SPATC1: variants seen among roughly 807,000 people sequenced by gnomAD.
SPATC1 encodes speriolin.
SPATC1 carries 35 observed loss-of-function variants against 36.5 expected under a neutral mutation model. The observed-to-expected ratio is 0.96, with a 90% CI of 0.73 to 1.27. SPATC1 has a LOEUF of 1.27. SPATC1 is among the 50% of genes most tolerant of loss of function. The pLI, the probability that SPATC1 is intolerant of heterozygous loss-of-function variation, is 0.00. For missense variants in SPATC1, 779 were observed against 796.0 expected (o/e 0.98, Z 0.26); for synonymous variants, 361 against 353.6 (o/e 1.02, Z -0.24).
intron 1 of SPATC1, among the ~76,000 whole-genome samples, chr8:144,027,394 T>C (rs1371620063): frequency 2.6e-5 from 4 of 152,182 alleles, no homozygotes; most frequent in African/African-American, 9.7e-5. Flanking sequence ...ATTGTTTGGG[T>C]TGTCTTTTCA....
chr8:144,013,113 C>T (rs572702517), intron 1 of SPATC1, among the ~76,000 whole-genome samples: 2 of 152,254 alleles, frequency 1.3e-5, no homozygotes, highest in South Asian at 2.1e-4. Context: ...AGCTTGGCAA[C>T]GAACCCTGAC....
Position 144,046,996 on chromosome 8 carries a change from C to A in SPATC1, c.*40C>A. 1 of 1,565,948 alleles carries A rather than the reference C, an allele frequency of 6.4e-7. No individual in the cohort carries two copies. The highest frequency in any genetic ancestry group is 8.6e-7 in the Non-Finnish European group (1 of 1,161,514). ...GGTCCAGGCTCGCTCAGCCCCACAG[C>A]CCTGTGCACGGCCATTAAAGCTTCC... On this transcript the variant is annotated 3_prime_UTR_variant, in exon 5 of 5. Transcript: ENST00000377470. This position sits in a 1 kb window ranked among gnomAD's most constrained non-coding sequence, Gnocchi z 6.6.
intron 1 of SPATC1, among the ~76,000 whole-genome samples, chr8:144,038,045 T>A (rs1283782482): frequency 6.7e-6 from 1 of 150,046 alleles, no homozygotes; most frequent in African/African-American, 2.5e-5. Context: ...GAGAATGGCG[T>A]GAACCCCGGG....
intron 1 of SPATC1, among the ~76,000 whole-genome samples, chr8:144,022,498 A>C (rs1834554462): frequency 2.1e-5 from 1 of 47,296 alleles, no homozygotes; most frequent in Admixed American, 2.0e-4. Flanking sequence ...CCCCCTCAAG[A>C]TCCTCCCCCC....
rs886125773 is a variant in SPATC1, at chr8:144,047,080, G to T, written c.*124G>T. 3.2e-6 allele frequency: 4 copies of T among 1,246,682 alleles called. No individual in the cohort carries two copies. The Admixed American group carries it at 1.0e-4, about 32-fold the overall frequency. The allele number at this position is 1,246,682 out of a possible 1,614,324, so 77.2% of individuals were successfully genotyped here. ...TCCTGGGTGGTGCTGCCTCCTCTGG[G>T]GTGGCTCACCGGGCCCCGGCACCGT... On this transcript the variant is annotated 3_prime_UTR_variant, in exon 5 of 5. Transcript: ENST00000377470. The surrounding 1 kb of genome is among the most constrained non-coding windows in gnomAD (Gnocchi z 4.1).
At chr8:144,042,305 ATATATATTTTTTT>A (rs1281454497) in intron 4 of SPATC1, among the ~76,000 whole-genome samples, 55 of 54,734 alleles carry the variant, frequency 1.0e-3, no homozygotes, top group African/African-American at 5.9e-3. Context: ...ATATATATAT[ATATATATTTTTTT>A]TTTTTTTTTT....
rs910407628 is a variant in SPATC1, at chr8:144,045,606, C to T, written c.1447-1021C>T. On this transcript the variant is annotated intron_variant, in intron 4 of 4. Coordinates refer to ENST00000377470, the MANE Select transcript of SPATC1 (RefSeq NM_198572.3). This position sits in a 1 kb window ranked among gnomAD's most constrained non-coding sequence, Gnocchi z 5.2. ...GGCCCTCCCCCAAGTGTTGGAGCAG[C>T]GGAAACTGCAGGAGGAGCTTGGGCA... Among the ~76,000 whole-genome samples the T allele has an allele frequency of 7.9e-5, 12 of 152,154 alleles. No individual in the cohort carries two copies. The highest frequency in any genetic ancestry group is 2.1e-4 in the South Asian group (1 of 4,834).
At chr8:144,015,157 A>T (rs961988921) in intron 1 of SPATC1, among the ~76,000 whole-genome samples, 1 of 151,312 alleles carries the variant, frequency 6.6e-6, no homozygotes, top group African/African-American at 2.4e-5. Flanking sequence ...CTCCTGCCTC[A>T]GCCTCCTGAG....
At chr8:144,039,758 T>C in intron 1 of SPATC1, 151 bp from the exon 2 acceptor site, 3 of 789,876 alleles carry the variant, frequency 3.8e-6, no homozygotes, top group Non-Finnish European at 6.0e-6. Context: ...GCCTAAGAAG[T>C]GAGGCTCAGA....
chr8:144,039,681 C>T (rs974241023), intron 1 of SPATC1, among the ~76,000 whole-genome samples: 1 of 152,126 alleles, frequency 6.6e-6, no homozygotes, highest in Admixed American at 6.5e-5. Context: ...CCTTGGGGAG[C>T]CACTCCCAGG....
chr8:144,024,022 C>T (rs1172170886), intron 1 of SPATC1, among the ~76,000 whole-genome samples: 6 of 151,068 alleles, frequency 4.0e-5, no homozygotes, highest in East Asian at 2.0e-4. Context: ...GACCCTCTCC[C>T]CTCAGAACCC....
chr8:144,013,828 C>T lies in SPATC1; in HGVS notation c.211+1102C>T, dbSNP rs1231585089. ...AAAATCTTCTGGACATGGTGGTTCA[C>T]GCCTATAATCCCAGCTACTCGGGAG... On this transcript the variant is annotated intron_variant, in intron 1 of 4. Coordinates refer to ENST00000377470, the MANE Select transcript of SPATC1 (RefSeq NM_198572.3). 2.6e-5 allele frequency among the ~76,000 whole-genome samples: 4 copies of T among 152,212 alleles called. No individual in the cohort carries two copies. In the South Asian group the frequency reaches 6.2e-4, roughly 24 times the overall value.
chr8:144,017,080 T>A (rs1587487778), intron 1 of SPATC1, among the ~76,000 whole-genome samples: 1 of 152,114 alleles, frequency 6.6e-6, no homozygotes, highest in South Asian at 2.1e-4. Context: ...GTCCTCCAGG[T>A]GGGAGATGAC....
chr8:144,029,768 G>A (rs886423481), intron 1 of SPATC1, among the ~76,000 whole-genome samples: 28 of 152,102 alleles, frequency 1.8e-4, no homozygotes, highest in Non-Finnish European at 3.1e-4. Context: ...TGAGAATAAT[G>A]TATATTCTAC....
At chr8:144,042,307 ATATATTTTTTTT>A (rs1399270502) in intron 4 of SPATC1, among the ~76,000 whole-genome samples, 1 of 49,460 alleles carries the variant, frequency 2.0e-5, no homozygotes, top group African/African-American at 1.4e-4. Flanking sequence ...ATATATATAT[ATATATTTTTTTT>A]TTTTTTTTTT....
chr8:144,015,432 T>TA (rs1318321808), intron 1 of SPATC1, among the ~76,000 whole-genome samples: 191 of 146,828 alleles, frequency 1.3e-3, no homozygotes, highest in East Asian at 4.3e-3. Flanking sequence ...TCTATATATT[T>TA]AAAAAAAAAA....
intron 1 of SPATC1, among the ~76,000 whole-genome samples, chr8:144,023,440 CTAAGGACCT>C (rs1834595628): frequency 7.3e-6 from 1 of 136,788 alleles, no homozygotes; most frequent in African/African-American, 2.5e-5. Context: ...ACCCTCTTTT[CTAAGGACCT>C]TCTTCCCTGA....
intron 4 of SPATC1, among the ~76,000 whole-genome samples, chr8:144,042,309 A>ATTTTTTTTTT (rs1240723676): frequency 3.8e-4 from 16 of 42,398 alleles, no homozygotes; most frequent in Non-Finnish European, 5.0e-4. Flanking sequence ...ATATATATAT[A>ATTTTTTTTTT]TATTTTTTTT....
chr8:144,043,476 T>A (rs1835171508), intron 4 of SPATC1, among the ~76,000 whole-genome samples: 1 of 152,018 alleles, frequency 6.6e-6, no homozygotes, highest in Non-Finnish European at 1.5e-5. Context: ...GAGACGGGGT[T>A]TCATCATGTT....
Sources: allele counts gnomAD v4.1 joint callset (sites outside exome capture counted in the v4.1 genomes callset), GRCh38; gene constraint gnomAD v4.1.1; non-coding constraint Gnocchi (gnomAD v3.1); transcripts MANE v1.5; gene names NCBI Gene and HGNC (gene_info 2026-07-23, HGNC 2026-07-21).